The following FAM110B variants were observed in gnomAD, a reference collection of about 807,000 sequenced individuals.
The protein encoded by FAM110B is family with sequence similarity 110 member B.
FAM110B carries 6 observed loss-of-function variants against 20.4 expected under a neutral mutation model. The ratio of observed to expected loss-of-function variants is 0.29; its 90% CI spans 0.16 to 0.58. The LOEUF (loss-of-function observed/expected upper bound fraction) is 0.58, where lower values mean the gene tolerates loss of function less well. Ranked by LOEUF, FAM110B falls within the 20% of genes least tolerant of loss-of-function variation. The probability of loss-of-function intolerance (pLI) is 0.90; values close to 1 mark genes in which losing one functional copy is unlikely to be tolerated. For synonymous variants in FAM110B, 226 were observed against 214.1 expected, an observed-to-expected ratio of 1.06 and a Z score of -0.49; for missense variants, 434 against 498.2, an observed-to-expected ratio of 0.87 and a Z score of 1.23.
At chr8:58,130,612 G>A (rs182740756) in intron 3 of FAM110B, among the ~76,000 whole-genome samples, 1 of 152,204 alleles carries the variant, frequency 6.6e-6, no homozygotes, top group Admixed American at 6.5e-5. Context: ...ACAGGGAATT[G>A]TGTCTCTTCC....
chr8:58,071,954 T>G (rs918042676), intron 2 of FAM110B, among the ~76,000 whole-genome samples: 6 of 152,126 alleles, frequency 3.9e-5, no homozygotes, highest in African/African-American at 1.4e-4. Context: ...GAGAGTGCAG[T>G]TTCAGTGAGA....
At chr8:58,043,984 C>T (rs1299474010) in intron 2 of FAM110B, among the ~76,000 whole-genome samples, 2 of 152,208 alleles carry the variant, frequency 1.3e-5, no homozygotes, top group Non-Finnish European at 2.9e-5. Flanking sequence ...ATGCACATCT[C>T]CCTTATTTCT....
intron 2 of FAM110B, among the ~76,000 whole-genome samples, chr8:58,059,092 G>A (rs1385104480): frequency 6.6e-6 from 1 of 152,114 alleles, no homozygotes; most frequent in Non-Finnish European, 1.5e-5. Flanking sequence ...ATGTCTTTGA[G>A]ATTCATCTTC....
At chr8:58,103,318 C>A (rs1274833731) in intron 3 of FAM110B, among the ~76,000 whole-genome samples, 1 of 131,526 alleles carries the variant, frequency 7.6e-6, no homozygotes, top group Non-Finnish European at 1.6e-5. Context: ...GCTATCCCTC[C>A]CCCCTCCCTC....
At chr8:58,063,609 G>C (rs1454481900) in intron 2 of FAM110B, among the ~76,000 whole-genome samples, 1 of 152,132 alleles carries the variant, frequency 6.6e-6, no homozygotes, top group African/African-American at 2.4e-5. Flanking sequence ...TATCAATTGA[G>C]CATCATGTTG....
intron 3 of FAM110B, among the ~76,000 whole-genome samples, chr8:58,090,035 G>A (rs906932152): frequency 2.0e-5 from 3 of 152,148 alleles, no homozygotes; most frequent in Non-Finnish European, 2.9e-5. Context: ...CAGACAACAA[G>A]ACCAACCTCT....
rs375121928 is a variant in FAM110B, at chr8:58,029,611, C to T, written c.-511-1995C>T. On this transcript the variant is annotated intron_variant, in intron 1 of 3. Coordinates refer to ENST00000519262, the MANE Select transcript of FAM110B (RefSeq NM_001377989.1). ...GAGGTTATTTAGGAAATTAAAGATC[C>T]GCTATGATCTAATAGAGCACTGGAT... 7.2e-5 allele frequency among the ~76,000 whole-genome samples: 11 copies of T among 152,100 alleles called. No homozygotes were observed. The South Asian group carries it at 1.7e-3, about 23-fold the overall frequency.
chr8:58,074,726 C>A (rs1034408143), intron 2 of FAM110B, among the ~76,000 whole-genome samples: 5 of 152,086 alleles, frequency 3.3e-5, no homozygotes, highest in African/African-American at 9.7e-5. Flanking sequence ...ATGAACGGTG[C>A]TCCTGGGGCA....
rs1267483243 is a variant in FAM110B, at chr8:58,142,542, T to C, written c.-324-3365T>C. On this transcript the variant is annotated intron_variant, in intron 3 of 3. Coordinates refer to ENST00000519262, the MANE Select transcript of FAM110B (RefSeq NM_001377989.1). ...CAGGACTCCCCCACAGATGATGTGC[T>C]CCCCCACCCCGACCCCTGCCACCAT... Among the ~76,000 whole-genome samples the C allele has an allele frequency of 1.1e-4, 17 of 151,282 alleles. 1 individual carries two copies. The East Asian group carries it at 1.2e-3, about 10-fold the overall frequency.
intron 2 of FAM110B, among the ~76,000 whole-genome samples, chr8:58,041,320 C>A (rs72621433): frequency 1.3e-5 from 2 of 152,068 alleles, no homozygotes. Flanking sequence ...TCGCAGTGTT[C>A]GTTCCAGCAA....
At chr8:58,041,995 C>G (rs529148869) in intron 2 of FAM110B, among the ~76,000 whole-genome samples, 2 of 152,318 alleles carry the variant, frequency 1.3e-5, no homozygotes, top group African/African-American at 4.8e-5. Context: ...GCCTTTGGTA[C>G]AGTGTGTAAA....
Position 58,103,990 on chromosome 8 carries a change from T to G in FAM110B, c.-325+28367T>G, listed in dbSNP as rs901114242. ...CCTTGAGAGCAGGGCTTACCTATTATGTATGTTATGTATTTGCCAAATGAG... is the reference window on the plus strand; with the variant it reads ...CCTTGAGAGCAGGGCTTACCTATTAGGTATGTTATGTATTTGCCAAATGAG... On this transcript the variant is annotated intron_variant, in intron 3 of 3. Transcript: ENST00000519262. 2.0e-5 allele frequency among the ~76,000 whole-genome samples: 3 copies of G among 152,356 alleles called. No homozygotes were observed. The South Asian group carries it at 6.2e-4, about 32-fold the overall frequency.
intron 3 of FAM110B, among the ~76,000 whole-genome samples, chr8:58,090,221 G>A (rs1045604381): frequency 6.6e-6 from 1 of 152,158 alleles, no homozygotes; most frequent in Non-Finnish European, 1.5e-5. Context: ...GTGTGGTGGC[G>A]TGATCTCAGC....
At chr8:58,137,543 C>G (rs1315974864) in intron 3 of FAM110B, among the ~76,000 whole-genome samples, 1 of 151,878 alleles carries the variant, frequency 6.6e-6, no homozygotes, top group Non-Finnish European at 1.5e-5. Context: ...CTGGGCAACA[C>G]AGTGAGCCTC....
intron 1 of FAM110B, among the ~76,000 whole-genome samples, chr8:58,010,330 C>T (rs1251521179): frequency 6.6e-6 from 1 of 152,048 alleles, no homozygotes; most frequent in Non-Finnish European, 1.5e-5. Context: ...TCTCGTTTCT[C>T]AGTTCTTGAT....
At chr8:58,025,735 G>A (rs1804842678) in intron 1 of FAM110B, among the ~76,000 whole-genome samples, 1 of 152,150 alleles carries the variant, frequency 6.6e-6, no homozygotes, top group Non-Finnish European at 1.5e-5. Context: ...ACCTTAGCAG[G>A]CAGTCCATTC....
At chr8:58,076,487 C>T (rs377061327) in intron 3 of FAM110B, among the ~76,000 whole-genome samples, 12 of 152,262 alleles carry the variant, frequency 7.9e-5, no homozygotes, top group African/African-American at 2.2e-4. Context: ...CTTTTCCCCA[C>T]GTCCCCACCA....
intron 2 of FAM110B, among the ~76,000 whole-genome samples, chr8:58,044,547 G>A (rs1403112947): frequency 2.0e-5 from 3 of 152,162 alleles, no homozygotes; most frequent in Non-Finnish European, 4.4e-5. Context: ...TGTTAGGGTG[G>A]CAGCTGAACA....
chr8:58,055,329 C>T (rs542209149), intron 2 of FAM110B, among the ~76,000 whole-genome samples: 5 of 152,198 alleles, frequency 3.3e-5, no homozygotes, highest in African/African-American at 9.6e-5. Context: ...TGCTGAGGAT[C>T]TGGTTTTAGC....
Sources: allele counts gnomAD v4.1 joint callset (sites outside exome capture counted in the v4.1 genomes callset), GRCh38; gene constraint gnomAD v4.1.1; transcripts MANE v1.5; gene names NCBI Gene and HGNC (gene_info 2026-07-23, HGNC 2026-07-21).